PCLO: variants seen among roughly 807,000 people sequenced by gnomAD.
PCLO encodes protein piccolo.
PCLO carries 82 observed loss-of-function variants against 427.5 expected under a neutral mutation model. The ratio of observed to expected loss-of-function variants is 0.19; its 90% CI spans 0.16 to 0.23. The LOEUF (loss-of-function observed/expected upper bound fraction) is 0.23, where lower values mean the gene tolerates loss of function less well. Ranked by LOEUF, PCLO falls within the 10% of genes least tolerant of loss-of-function variation. The pLI, the probability that PCLO is intolerant of heterozygous loss-of-function variation, is 1.00. For synonymous variants in PCLO, 2,357 were observed against 2,155.4 expected, an observed-to-expected ratio of 1.09 and a Z score of -2.59; for missense variants, 6,239 against 6,115.9, an observed-to-expected ratio of 1.02 and a Z score of -0.67.
intron 6 of PCLO, among the ~76,000 whole-genome samples, chr7:82,924,677 T>C (rs897764041): frequency 6.6e-6 from 1 of 151,992 alleles, no homozygotes; most frequent in African/African-American, 2.4e-5. Context: ...AAAAAGAGAT[T>C]AAAACTTTAA....
intron 3 of PCLO, among the ~76,000 whole-genome samples, chr7:82,998,521 T>C (rs896247787): frequency 1.3e-5 from 2 of 151,906 alleles, no homozygotes; most frequent in African/African-American, 4.8e-5. Flanking sequence ...CAGCCAGCTC[T>C]AGACTTCCAC....
chr7:82,943,615 T>C (rs1015531549), intron 6 of PCLO, among the ~76,000 whole-genome samples: 1 of 152,140 alleles, frequency 6.6e-6, no homozygotes, highest in Non-Finnish European at 1.5e-5. Flanking sequence ...GTAGAGAGCA[T>C]GCTACACTAA....
rs764535197 is a variant in PCLO at position 82,949,528 on chromosome 7, G to A, written c.11060C>T (p.Pro3687Leu). The change falls in exon 6 of 25, where the codon CCA becomes CTA. Residue 3687 changes from proline (P) to leucine (L), a missense_variant. Transcript: ENST00000333891. ...AGCCCTGGAACTTTCGTCTGCTGTT[G>A]GACTCAGAGGCTTGGGGTCAGACAT... ...RSMSDPKPLS[P>L]TADESSRAPF... The A allele has an allele frequency of 3.1e-6, 5 of 1,613,106 alleles. No individual in the cohort carries two copies. Among genetic ancestry groups the A allele is most frequent in the Non-Finnish European group, 3.4e-6 (4 of 1,179,522 alleles).
At chr7:82,997,090 G>A (rs1787636253) in intron 3 of PCLO, among the ~76,000 whole-genome samples, 1 of 151,838 alleles carries the variant, frequency 6.6e-6, no homozygotes, top group Non-Finnish European at 1.5e-5. Context: ...TGGAGTCGTA[G>A]ATCAAACACG....
intron 3 of PCLO, among the ~76,000 whole-genome samples, chr7:83,105,911 C>G (rs1312142035): frequency 6.6e-6 from 1 of 150,720 alleles, no homozygotes; most frequent in Non-Finnish European, 1.5e-5. Context: ...TTGTAAGTAA[C>G]AAAAACCTAA....
At chr7:83,089,898 C>T (rs2116433688) in intron 3 of PCLO, among the ~76,000 whole-genome samples, 1 of 152,290 alleles carries the variant, frequency 6.6e-6, no homozygotes, top group East Asian at 1.9e-4. Context: ...TTAAGTACTT[C>T]TTTCAGTTCA....
At chr7:83,050,879 C>T (rs1789236840) in intron 3 of PCLO, among the ~76,000 whole-genome samples, 1 of 152,034 alleles carries the variant, frequency 6.6e-6, no homozygotes, top group Non-Finnish European at 1.5e-5. Context: ...CACCACTGCA[C>T]TCCAGCCTGG....
At chr7:82,972,741 T>C (rs767515906) in intron 3 of PCLO, among the ~76,000 whole-genome samples, 4 of 152,088 alleles carry the variant, frequency 2.6e-5, no homozygotes, top group African/African-American at 4.8e-5. Flanking sequence ...TCAAGTTCCC[T>C]GCCCACTATG....
Position 82,934,852 on chromosome 7 carries a change from C to T in PCLO, c.11112+14624G>A, listed in dbSNP as rs189871184. 1.5e-3 allele frequency among the ~76,000 whole-genome samples: 231 copies of T among 151,420 alleles called. 1 individual carries two copies. The highest frequency in any genetic ancestry group is 5.2e-3 in the African/African-American group (216 of 41,442). On this transcript the variant is annotated intron_variant, in intron 6 of 24. Coordinates refer to ENST00000333891, the MANE Select transcript of PCLO (RefSeq NM_033026.6). ...CTTACATAAAAGTACTACTAGTAAG[C>T]ATTCATAAATGGTAGATATTATGAT...
At chr7:82,959,177 C>T (rs1738735398) in intron 4 of PCLO, among the ~76,000 whole-genome samples, 1 of 152,124 alleles carries the variant, frequency 6.6e-6, no homozygotes, top group Admixed American at 6.6e-5. Flanking sequence ...AGCCATTCTC[C>T]TGCCTCAGCC....
intron 7 of PCLO, 129 bp from the exon 8 acceptor site, chr7:82,909,142 C>T: frequency 3.9e-6 from 3 of 777,456 alleles, no homozygotes; most frequent in Non-Finnish European, 5.9e-6. Context: ...ACACATCTCC[C>T]CTTGGGACTA....
chr7:83,007,347 G>C (rs1054093056), intron 3 of PCLO, among the ~76,000 whole-genome samples: 2 of 151,442 alleles, frequency 1.3e-5, no homozygotes, highest in African/African-American at 4.8e-5. Context: ...ATGAGTTAGG[G>C]AAACAGGTGA....
chr7:82,868,399 C>T (rs1793148970), intron 10 of PCLO, among the ~76,000 whole-genome samples: 1 of 152,190 alleles, frequency 6.6e-6, no homozygotes, highest in Non-Finnish European at 1.5e-5. Context: ...CAGCTAATTT[C>T]ATCCTTACTT....
intron 3 of PCLO, among the ~76,000 whole-genome samples, chr7:83,127,050 AT>A (rs1791455080): frequency 1.3e-5 from 2 of 152,142 alleles, no homozygotes. Flanking sequence ...TACAATGTAA[AT>A]TATATGTACA....
intron 3 of PCLO, among the ~76,000 whole-genome samples, chr7:83,018,489 C>T (rs1788264606): frequency 6.6e-6 from 1 of 151,786 alleles, no homozygotes; most frequent in South Asian, 2.1e-4. Flanking sequence ...AAAATAATAT[C>T]GAATTTTGAT....
intron 6 of PCLO, among the ~76,000 whole-genome samples, chr7:82,932,542 T>G (rs1242442754): frequency 6.6e-6 from 1 of 152,128 alleles, no homozygotes; most frequent in Non-Finnish European, 1.5e-5. Context: ...TAAATAATTT[T>G]CAGGTAATTT....
chr7:83,122,549 G>T (rs1372206492), intron 3 of PCLO, among the ~76,000 whole-genome samples: 2 of 152,086 alleles, frequency 1.3e-5, no homozygotes, highest in Non-Finnish European at 1.5e-5. Context: ...GCCTCCCAAA[G>T]TGCTGGGATT....
At chr7:82,871,261 T>C (rs1184693360) in intron 10 of PCLO, among the ~76,000 whole-genome samples, 1 of 151,944 alleles carries the variant, frequency 6.6e-6, no homozygotes, top group African/African-American at 2.4e-5. Context: ...CATAATAGAA[T>C]ATTATTCATT....
chr7:82,888,403 T>C (rs1793678257), intron 9 of PCLO, among the ~76,000 whole-genome samples: 1 of 152,194 alleles, frequency 6.6e-6, no homozygotes, highest in African/African-American at 2.4e-5. Context: ...AAGTGACTCT[T>C]AGCCATAACT....
Sources: gnomAD v4.1 joint callset for allele counts (sites outside exome capture counted in the v4.1 genomes callset) on GRCh38, gnomAD v4.1.1 for gene constraint, MANE v1.5 for transcripts, NCBI Gene and HGNC (gene_info 2026-07-23, HGNC 2026-07-21) for gene names.